The following PDCD2 variants were observed in gnomAD, a reference collection of about 807,000 sequenced individuals.
PDCD2 encodes uS5 assembly chaperone PDCD2.
PDCD2 carries 38 observed loss-of-function variants against 38.1 expected under a neutral mutation model. The ratio of observed to expected loss-of-function variants is 1.00; its 90% CI spans 0.77 to 1.31. The LOEUF is 1.31. Ranked by LOEUF, PDCD2 falls within the 50% of genes most tolerant of loss-of-function variation. The pLI, the probability that PDCD2 is intolerant of heterozygous loss-of-function variation, is 0.00. For missense variants in PDCD2, 473 were observed against 435.7 expected (o/e 1.09, Z -0.76); for synonymous variants, 205 against 168.9 (o/e 1.21, Z -1.66).
At chr6:170,584,042 A>T in intron 1 of PDCD2, 1 of 540,840 alleles carries the variant, frequency 1.8e-6, no homozygotes, top group Non-Finnish European at 3.2e-6. Flanking sequence ...TATTATCTGA[A>T]TTAACACCAT....
intron 3 of PDCD2, chr6:170,582,272 T>C (rs1399599501): frequency 1.1e-5 from 17 of 1,495,298 alleles, no homozygotes; most frequent in Non-Finnish European, 1.4e-5. Flanking sequence ...ATCCCTGTTA[T>C]CAAGCACAAG....
chr6:170,579,186 G>A lies in PDCD2; in HGVS notation c.763-216C>T, dbSNP rs1027110587. The A allele has an allele frequency of 9.8e-6, 5 of 508,144 alleles. No individual in the cohort carries two copies. In the Admixed American group the frequency reaches 1.2e-4, roughly 12 times the overall value. 31.5% of individuals were successfully genotyped at this position (508,144 alleles called of 1,614,324 possible). A position where few individuals can be genotyped will look rare whatever the true frequency, so the allele number is the denominator to read the frequency against. On this transcript the variant is annotated intron_variant, in intron 4 of 5. Transcript: ENST00000541970. The stretch of plus-strand genomic sequence containing the variant: ...TTATTTCAGTTTATCTGACTCAGAG[G>A]GCATCAAAATATATCTCCCAGATGA...
intron 3 of PDCD2, 65 bp downstream of exon 3, chr6:170,582,992 A>G: frequency 6.4e-7 from 1 of 1,565,954 alleles, no homozygotes; most frequent in East Asian, 2.2e-5. Flanking sequence ...TTCTAGGCAC[A>G]TGGAGCCCTT....
intron 4 of PDCD2, chr6:170,579,648 GCAAAAATAACC>G (rs1779539159): frequency 6.2e-6 from 1 of 162,386 alleles, no homozygotes; most frequent in African/African-American, 2.4e-5. Context: ...TTGGAAATGG[GCAAAAATAACC>G]TTTTTTCTTT....
intron 2 of PDCD2, 107 bp downstream of exon 2, chr6:170,583,398 T>C: frequency 2.9e-6 from 4 of 1,360,004 alleles, no homozygotes; most frequent in Non-Finnish European, 4.0e-6. Flanking sequence ...ATGAAAAATT[T>C]TAAAGTACTA....
chr6:170,584,128 G>C (rs1275796322), intron 1 of PDCD2, 171 bp downstream of exon 1: 2 of 683,274 alleles, frequency 2.9e-6, no homozygotes, highest in African/African-American at 3.8e-5. Context: ...TAGCAAAAAT[G>C]AGCACATCCT....
Position 170,584,378 on chromosome 6 carries a change from C to A in PDCD2, c.204G>T (p.Leu68=), listed in dbSNP as rs769349011. Residue 68 remains leucine (L), a synonymous_variant, in exon 1 of 6, where the codon CTG becomes CTT. Transcript: ENST00000541970. The part of the protein sequence containing the change: ...LSFLLQVYAP[L]PGRPDAFHRC... Reference sequence around the variant, plus strand: ...GGTGGAAGGCGTCCGGGCGGCCAGGCAGCGGCGCATACACCTGCAGCAGGA... The same window carrying A: ...GGTGGAAGGCGTCCGGGCGGCCAGGAAGCGGCGCATACACCTGCAGCAGGA... 1.3e-6 allele frequency: 2 copies of A among 1,489,236 alleles called. No homozygotes were observed. The highest frequency in any genetic ancestry group is 1.8e-6 in the Non-Finnish European group (2 of 1,124,144). The allele number at this position is 1,489,236 out of a possible 1,614,324, so 92.3% of individuals were successfully genotyped here.
chr6:170,579,272 A>G, intron 4 of PDCD2: 1 of 276,782 alleles, frequency 3.6e-6, no homozygotes, highest in Non-Finnish European at 6.5e-6. Flanking sequence ...GGGACTAAGA[A>G]TGAGCCTCTG....
In PDCD2 at chr6:170,584,593, G is replaced by A. The variant is rs1779761418; in HGVS notation, c.-12C>T. 1 of 1,255,002 alleles carries A rather than the reference G, an allele frequency of 8.0e-7. No individual in the cohort carries two copies. The highest frequency in any genetic ancestry group is 1.0e-6 in the Non-Finnish European group (1 of 999,110). The allele number at this position is 1,255,002 out of a possible 1,614,324, so 77.7% of individuals were successfully genotyped here. On this transcript the variant is annotated 5_prime_UTR_variant, in exon 1 of 6. Transcript: ENST00000541970. ...CCGGCGGCAGCCATGCGGGGCGCGGGCTGGCGTGGGGCGCAGCCCACAGCT... is the reference window on the plus strand; with the variant it reads ...CCGGCGGCAGCCATGCGGGGCGCGGACTGGCGTGGGGCGCAGCCCACAGCT...
chr6:170,579,022 G>A lies in PDCD2; in HGVS notation c.763-52C>T, dbSNP rs372002073. ...ATAATCAATACCTTACCTATAAGTT[G>A]CCAATGGTAACATGCTATCTACTCC... On this transcript the variant is annotated intron_variant, in intron 4 of 5. Transcript: ENST00000541970. 1.3e-3 allele frequency: 1,480 copies of A among 1,143,810 alleles called. 7 individuals are homozygous for A. The highest frequency in any genetic ancestry group is 2.2e-3 in the South Asian group (159 of 73,756). 70.9% of individuals were successfully genotyped at this position (1,143,810 alleles called of 1,614,324 possible). A position where few individuals can be genotyped will look rare whatever the true frequency, so the allele number is the denominator to read the frequency against.
intron 1 of PDCD2, among the ~76,000 whole-genome samples, 155 bp from the exon 2 acceptor site, chr6:170,583,902 C>T (rs1280185993): frequency 1.3e-5 from 2 of 152,138 alleles, no homozygotes; most frequent in South Asian, 4.1e-4. Flanking sequence ...AACTAGATTT[C>T]GTCCGGTACA....
At chr6:170,581,296 C>T (rs6928843) in intron 3 of PDCD2, 57,681 of 151,980 alleles carry the variant, frequency 0.38, 11,680 homozygotes, top group East Asian at 0.77. Flanking sequence ...CCCTCGAAGG[C>T]AAACTCTTTC....
intron 1 of PDCD2, 109 bp from the exon 2 acceptor site, chr6:170,583,856 G>A: frequency 1.1e-6 from 1 of 924,890 alleles, no homozygotes; most frequent in East Asian, 2.6e-5. Flanking sequence ...AGAAATGAAA[G>A]TTTTTGCTTT....
At chr6:170,578,347 C>T (rs1352045944) in intron 5 of PDCD2, 1 of 418,812 alleles carries the variant, frequency 2.4e-6, no homozygotes, top group East Asian at 4.7e-5. Context: ...AGCTCAAGAG[C>T]ATTTCCACCC....
intron 1 of PDCD2, 163 bp downstream of exon 1, chr6:170,584,136 C>T: frequency 1.3e-6 from 1 of 762,478 alleles, no homozygotes; most frequent in Non-Finnish European, 1.9e-6. Flanking sequence ...ATGAGCACAT[C>T]CTGGAAGGGC....
chr6:170,581,127 G>A (rs1779583172), intron 3 of PDCD2: 1 of 151,984 alleles, frequency 6.6e-6, no homozygotes, highest in African/African-American at 2.4e-5. Context: ...AGAAAATTTT[G>A]GACATACAGA....
Position 170,583,719 on chromosome 6 carries a change from G to C in PDCD2, c.312C>G (p.Asn104Lys), listed in dbSNP as rs921145029. 26 of 1,612,428 alleles carry C rather than the reference G, an allele frequency of 1.6e-5. No homozygotes were observed. The highest frequency in any genetic ancestry group is 2.1e-5 in the Non-Finnish European group (25 of 1,178,898). Reference sequence around the variant, plus strand: ...AAGGTGGCTCATATGAGTAAAAATCGTTTTTCCTGGGTAGTTGATTCCTAA... The same window carrying C: ...AAGGTGGCTCATATGAGTAAAAATCCTTTTTCCTGGGTAGTTGATTCCTAA... ...RVFRNQLPRKNDFYSYEPPSE... is the reference protein window; with the variant it reads ...RVFRNQLPRKKDFYSYEPPSE... The change falls in exon 2 of 6, where the codon AAC becomes AAG. Residue 104 changes from asparagine (N) to lysine (K), a missense_variant. Asn to Lys is a moderately conservative substitution (Grantham distance 94). Transcript: ENST00000541970.
In PDCD2 at chr6:170,583,527, A is replaced by G. The variant is rs201859590; in HGVS notation, c.504T>C (p.His168=). 6.2e-7 allele frequency: 1 copy of G among 1,612,410 alleles called. No individual in the cohort carries two copies. Among genetic ancestry groups the G allele is most frequent in the Non-Finnish European group, 8.5e-7 (1 of 1,178,642 alleles). Reference sequence around the variant, plus strand: ...CACCTGGTTGTGCACAAGCCTGCTTATGTCCCAATCTCCAGTCTAGGGTCT... The same window carrying G: ...CACCTGGTTGTGCACAAGCCTGCTTGTGTCCCAATCTCCAGTCTAGGGTCT... ...EHQTLDWRLG[H]KQACAQPDHL... is the part of the protein sequence containing the mutation. Residue 168 remains histidine (H), a synonymous_variant, in exon 2 of 6, where the codon CAT becomes CAC. Transcript: ENST00000541970.
chr6:170,577,998 C>T (rs752633074), intron 5 of PDCD2, among the ~76,000 whole-genome samples: 2 of 152,122 alleles, frequency 1.3e-5, no homozygotes, highest in Non-Finnish European at 2.9e-5. Flanking sequence ...AGGGCTGAGG[C>T]TTCTATTTGG....
Sources: allele counts gnomAD v4.1 joint callset (sites outside exome capture counted in the v4.1 genomes callset), GRCh38; gene constraint gnomAD v4.1.1; transcripts MANE v1.5; gene names NCBI Gene and HGNC (gene_info 2026-07-23, HGNC 2026-07-21).